PTPRF: variants seen among roughly 807,000 people sequenced by gnomAD.
PTPRF encodes protein tyrosine phosphatase receptor type F.
PTPRF carries 59 observed loss-of-function variants against 201.8 expected under a neutral mutation model. The observed-to-expected ratio is 0.29, with a 90% CI of 0.24 to 0.36. The LOEUF (loss-of-function observed/expected upper bound fraction) is 0.36, where lower values mean the gene tolerates loss of function less well. Ranked by LOEUF, PTPRF falls within the 10% of genes least tolerant of loss-of-function variation. The pLI is 1.00. For missense variants in PTPRF, 2,132 were observed against 2,690.5 expected (o/e 0.79, Z 4.59); for synonymous variants, 1,088 against 1,089.7 (o/e 1.00, Z 0.03).
intron 3 of PTPRF, 102 bp downstream of exon 3, chr1:43,545,268 G>T (rs752168752): frequency 7.8e-7 from 1 of 1,284,968 alleles, no homozygotes. Context: ...GGAGAGACAG[G>T]GTGGCCAGAA....
At chr1:43,590,565 A>G (rs1427521244) in intron 8 of PTPRF, among the ~76,000 whole-genome samples, 1 of 152,068 alleles carries the variant, frequency 6.6e-6, no homozygotes, top group African/African-American at 2.4e-5. Flanking sequence ...TGCCTATTAC[A>G]CATACTTTCC....
chr1:43,571,115 G>A (rs1372965486), intron 6 of PTPRF, among the ~76,000 whole-genome samples: 1 of 152,062 alleles, frequency 6.6e-6, no homozygotes. Flanking sequence ...CCCGGCCCTG[G>A]GCCACCCCTT....
Position 43,604,891 on chromosome 1 carries a change from A to C in PTPRF, c.3038-12A>C. ...ATACCCAGCAGAGCTGACTCTCTCT[A>C]TGCCTTTGCAGTGTTTGCCAAGAAC... is the stretch of plus-strand genomic sequence containing the variant. On this transcript the variant is annotated splice_polypyrimidine_tract_variant and intron_variant, in intron 16 of 33. Coordinates refer to ENST00000359947, the MANE Select transcript of PTPRF (RefSeq NM_002840.5). The C allele has an allele frequency of 6.2e-7, 1 of 1,612,618 alleles. No individual in the cohort carries two copies. The highest frequency in any genetic ancestry group is 8.5e-7 in the Non-Finnish European group (1 of 1,179,166).
chr1:43,596,433 C>G (rs1324785350), intron 11 of PTPRF, among the ~76,000 whole-genome samples: 2 of 152,090 alleles, frequency 1.3e-5, no homozygotes, highest in African/African-American at 2.4e-5. Flanking sequence ...GAAGAGGAAA[C>G]CTGTGCATTG....
chr1:43,607,941 A>C (rs1444272601), intron 21 of PTPRF, among the ~76,000 whole-genome samples: 8 of 152,298 alleles, frequency 5.3e-5, no homozygotes, highest in African/African-American at 1.4e-4. Flanking sequence ...CACTGGGCTG[A>C]GCCCACAGGC....
chr1:43,532,334 G>A (rs537066312), intron 1 of PTPRF, among the ~76,000 whole-genome samples: 1 of 152,330 alleles, frequency 6.6e-6, no homozygotes, highest in South Asian at 2.1e-4. Context: ...ACCTGCCTGA[G>A]CTGTGAAATG....
chr1:43,607,091 GCA>G, intron 21 of PTPRF, 123 bp downstream of exon 21: 4 of 1,266,732 alleles, frequency 3.2e-6, no homozygotes, highest in Non-Finnish European at 3.3e-6. Flanking sequence ...CTCAGGCTCA[GCA>G]GGAAGGCAGG....
At chr1:43,525,973 T>C (rs1220556441), upstream of PTPRF, among the ~76,000 whole-genome samples, 2 of 151,932 alleles carry the variant, frequency 1.3e-5, no homozygotes, top group African/African-American at 4.8e-5. Flanking sequence ...TCTCCCACTC[T>C]GGAGAGGCGT....
Position 43,553,408 on chromosome 1 carries a change from T to C in PTPRF, c.92-84T>C. On this transcript the variant is annotated intron_variant, in intron 3 of 33. Transcript: ENST00000359947. This position sits in a 1 kb window ranked among gnomAD's most constrained non-coding sequence, Gnocchi z 4.1. ...CTTGTTTTCTTTGTAGGTCTTTCTC[T>C]CTGCCCCCATGACTGCCACCTTCCT... The C allele has an allele frequency of 6.9e-7, 1 of 1,445,358 alleles. No individual in the cohort carries two copies. Among genetic ancestry groups the C allele is most frequent in the African/African-American group, 1.4e-5 (1 of 70,418 alleles). The allele number at this position is 1,445,358 out of a possible 1,614,324, so 89.5% of individuals were successfully genotyped here.
chr1:43,603,798 G>T lies in PTPRF; in HGVS notation c.2646G>T (p.Leu882=). The change falls in exon 16 of 34, where the codon CTG becomes CTT. Residue 882 remains leucine (L), a synonymous_variant. Coordinates refer to ENST00000359947, the MANE Select transcript of PTPRF (RefSeq NM_002840.5). The surrounding 1 kb of genome is among the most constrained non-coding windows in gnomAD (Gnocchi z 5.8). ...ACCAGCACTTCACAGTCACCGGCCT[G>T]CACAAGGGGACCACCTACATCTTCC... The part of the protein sequence containing the change: ...KDDQHFTVTG[L]HKGTTYIFRL... 1 of 1,614,120 alleles carries T rather than the reference G, an allele frequency of 6.2e-7. No individual in the cohort carries two copies. The highest frequency in any genetic ancestry group is 8.5e-7 in the Non-Finnish European group (1 of 1,180,042).
intron 6 of PTPRF, among the ~76,000 whole-genome samples, chr1:43,572,706 A>G (rs985187901): frequency 1.3e-5 from 2 of 152,188 alleles, no homozygotes; most frequent in Admixed American, 6.5e-5. Flanking sequence ...ACAGTTTACA[A>G]CAGAGCTTTC....
intron 2 of PTPRF, among the ~76,000 whole-genome samples, chr1:43,541,278 G>A (rs549264367): frequency 6.6e-6 from 1 of 152,336 alleles, no homozygotes; most frequent in South Asian, 2.1e-4. Flanking sequence ...ATCAATCTGT[G>A]TTTGCGTATT....
chr1:43,620,821 C>T lies in PTPRF; in HGVS notation c.5365-17C>T. 1 of 1,604,430 alleles carries T rather than the reference C, an allele frequency of 6.2e-7. No individual in the cohort carries two copies. The highest frequency in any genetic ancestry group is 8.5e-7 in the Non-Finnish European group (1 of 1,174,808). On this transcript the variant is annotated splice_polypyrimidine_tract_variant and intron_variant, in intron 31 of 33. Coordinates refer to ENST00000359947, the MANE Select transcript of PTPRF (RefSeq NM_002840.5). ...AAGGCACGAATTCTAATCATGTACC[C>T]CACCCACCTTTCCCAGGATGGGCAG...
rs1207652998 is a variant in PTPRF, at chr1:43,591,478, C to T, written c.1456C>T (p.Leu486=). ...GSLLPGITYS[L]RVLAFTAVGD... ...CCTGCTGCCTGGCATCACCTACAGC[C>T]TGCGCGTGCTTGCCTTCACCGCCGT... Residue 486 remains leucine (L), a synonymous_variant, in exon 9 of 34, where the codon CTG becomes TTG. Transcript: ENST00000359947. 6.3e-7 allele frequency: 1 copy of T among 1,598,648 alleles called. No individual in the cohort carries two copies. The highest frequency in any genetic ancestry group is 1.1e-5 in the South Asian group (1 of 89,076).
intron 23 of PTPRF, among the ~76,000 whole-genome samples, chr1:43,616,991 T>TC (rs1433255809): frequency 6.6e-6 from 1 of 151,864 alleles, no homozygotes; most frequent in African/African-American, 2.4e-5. Context: ...CAGGGAGGGA[T>TC]CCTGGACTAC....
At chr1:43,556,285 C>G (rs974185779) in intron 5 of PTPRF, among the ~76,000 whole-genome samples, 1 of 152,088 alleles carries the variant, frequency 6.6e-6, no homozygotes, top group African/African-American at 2.4e-5. Context: ...TTGTTTGAGA[C>G]AGAGTCTCAC....
chr1:43,571,725 G>A (rs2153989073), intron 6 of PTPRF, among the ~76,000 whole-genome samples: 1 of 152,302 alleles, frequency 6.6e-6, no homozygotes, highest in Non-Finnish European at 1.5e-5. Flanking sequence ...GGTCAGGTTT[G>A]CTGCTCATAC....
rs763738023 is a variant in PTPRF, at chr1:43,588,009, C to T, written c.680-722C>T. On this transcript the variant is annotated intron_variant, in intron 7 of 33. Transcript: ENST00000359947. This position sits in a 1 kb window ranked among gnomAD's most constrained non-coding sequence, Gnocchi z 5.3. ...TTGTTGGCGCAGGAAGCCGTCTGTTCGGCGCCCTCATCATGTTACTGCCAT... is the reference window on the plus strand; with the variant it reads ...TTGTTGGCGCAGGAAGCCGTCTGTTTGGCGCCCTCATCATGTTACTGCCAT... Among the ~76,000 whole-genome samples the T allele has an allele frequency of 6.6e-6, 1 of 152,204 alleles. No individual in the cohort carries two copies. The highest frequency in any genetic ancestry group is 1.5e-5 in the Non-Finnish European group (1 of 68,034).
chr1:43,615,659 T>C (rs563503023), intron 23 of PTPRF, among the ~76,000 whole-genome samples: 18 of 146,496 alleles, frequency 1.2e-4, no homozygotes, highest in African/African-American at 3.0e-4. Context: ...CTCTGCCTCC[T>C]GGGTTCACGC....
Sources: gnomAD v4.1 joint callset for allele counts (sites outside exome capture counted in the v4.1 genomes callset) on GRCh38, gnomAD v4.1.1 for gene constraint, Gnocchi (gnomAD v3.1) non-coding constraint, MANE v1.5 for transcripts, NCBI Gene and HGNC (gene_info 2026-07-23, HGNC 2026-07-21) for gene names.